RUNX2: variants seen among roughly 807,000 people sequenced by gnomAD.
RUNX2 encodes runt-related transcription factor 2.
In RUNX2, 10 loss-of-function variants were observed where a neutral mutation model predicts 51.7. The observed-to-expected ratio is 0.19, with a 90% CI of 0.12 to 0.33. The LOEUF (loss-of-function observed/expected upper bound fraction) is 0.33. Ranked by LOEUF, RUNX2 falls within the 10% of genes least tolerant of loss-of-function variation. The pLI, the probability that RUNX2 is intolerant of heterozygous loss-of-function variation, is 1.00. For synonymous variants in RUNX2, 276 were observed against 273.6 expected, an observed-to-expected ratio of 1.01 and a Z score of -0.09; for missense variants, 562 against 691.3, an observed-to-expected ratio of 0.81 and a Z score of 2.10.
At chr6:45,471,447 CT>C (rs779430509) in intron 5 of RUNX2, among the ~76,000 whole-genome samples, 344 of 139,124 alleles carry the variant, frequency 2.5e-3, no homozygotes, top group South Asian at 3.5e-3. Flanking sequence ...TTCTTTCTTT[CT>C]TTTTTTTTTT....
chr6:45,353,035 A>C (rs1253166799), intron 2 of RUNX2, among the ~76,000 whole-genome samples: 1 of 152,064 alleles, frequency 6.6e-6, no homozygotes, highest in Non-Finnish European at 1.5e-5. Flanking sequence ...AAAACTGAGA[A>C]GTTCTTCAGA....
At chr6:45,338,503 A>G (rs183638813) in intron 2 of RUNX2, among the ~76,000 whole-genome samples, 22 of 152,272 alleles carry the variant, frequency 1.4e-4, no homozygotes, top group African/African-American at 5.3e-4. Context: ...TTTGACAGCT[A>G]CAAGAGCACT....
intron 2 of RUNX2, among the ~76,000 whole-genome samples, chr6:45,401,354 A>G (rs1373803415): frequency 6.6e-6 from 1 of 152,202 alleles, no homozygotes; most frequent in African/African-American, 2.4e-5. Context: ...ATATTTATAT[A>G]CTCTTTAATC....
intron 2 of RUNX2, among the ~76,000 whole-genome samples, chr6:45,329,658 T>C (rs1429712616): frequency 3.3e-5 from 5 of 151,954 alleles, no homozygotes; most frequent in Non-Finnish European, 7.4e-5. Flanking sequence ...TCCATAAGGA[T>C]ACCCTGTATG....
At chr6:45,370,655 C>T (rs978050592) in intron 2 of RUNX2, among the ~76,000 whole-genome samples, 1 of 151,984 alleles carries the variant, frequency 6.6e-6, no homozygotes, top group African/African-American at 2.4e-5. Context: ...ATAATGGGCA[C>T]TAAAAAAAAT....
intron 2 of RUNX2, among the ~76,000 whole-genome samples, chr6:45,380,336 G>A (rs1476232692): frequency 6.6e-6 from 1 of 152,196 alleles, no homozygotes. Flanking sequence ...CCACAAAAAT[G>A]TCTCCATGAC....
intron 5 of RUNX2, among the ~76,000 whole-genome samples, chr6:45,457,339 G>A (rs779653422): frequency 6.6e-6 from 1 of 152,182 alleles, no homozygotes; most frequent in South Asian, 2.1e-4. Context: ...GCAAGTCAGG[G>A]CAGGGATGGC....
intron 2 of RUNX2, 50 bp from the exon 3 acceptor site, chr6:45,422,542 TC>T: frequency 1.1e-6 from 1 of 879,962 alleles, no homozygotes; most frequent in East Asian, 8.3e-5. Flanking sequence ...CTCCTCCCCC[TC>T]CCCCGGCCAC....
chr6:45,520,982 C>T (rs1801490466), intron 7 of RUNX2, among the ~76,000 whole-genome samples: 1 of 152,180 alleles, frequency 6.6e-6, no homozygotes, highest in Admixed American at 6.5e-5. Flanking sequence ...TCCCAAAGTG[C>T]TGGGATTACA....
chr6:45,507,287 G>A (rs757029439), intron 6 of RUNX2, among the ~76,000 whole-genome samples: 24 of 152,174 alleles, frequency 1.6e-4, no homozygotes, highest in African/African-American at 5.3e-4. Context: ...CTTGTTTGTC[G>A]TTAATTAGTA....
In RUNX2 at chr6:45,546,829, G is replaced by T; in HGVS notation, c.1090G>T (p.Ala364Ser). The T allele has an allele frequency of 6.2e-7, 1 of 1,611,826 alleles. No homozygotes were observed. Among genetic ancestry groups the T allele is most frequent in the African/African-American group, 1.3e-5 (1 of 74,726 alleles). The change falls in exon 9 of 9, where the codon GCT becomes TCT. Residue 364 changes from alanine (A) to serine (S), a missense_variant and splice_region_variant. This residue lies in a region of RUNX2 where 304 missense variants were observed against 353.2 expected (regional missense o/e 0.86). Transcript: ENST00000647337. Reference sequence around the variant, plus strand: ...CCATCTTCTGTTATAATTTTTAGGTGCTTCAGAACTGGGCCCTTTTTCAGA... The same window carrying T: ...CCATCTTCTGTTATAATTTTTAGGTTCTTCAGAACTGGGCCCTTTTTCAGA... The part of the protein sequence containing the change: ...STLSKKSQAG[A>S]SELGPFSDPR...
At chr6:45,398,472 T>C (rs893374047) in intron 2 of RUNX2, among the ~76,000 whole-genome samples, 21 of 152,192 alleles carry the variant, frequency 1.4e-4, no homozygotes, top group African/African-American at 5.1e-4. Flanking sequence ...CCAATATATA[T>C]AACATTACAA....
At position 45,434,444 on chromosome 6, in the gene RUNX2, C is replaced by CT. The variant is rs139835282; in HGVS notation, c.580+2435dup. On this transcript the variant is annotated intron_variant, in intron 4 of 8. Coordinates refer to ENST00000647337, the MANE Select transcript of RUNX2 (RefSeq NM_001024630.4). ...AACACCAAGTTCCTCAAATATTGCA[C>CT]TTTTTTTTTTCTTTCCACTGGTAGA... 1.3e-3 allele frequency among the ~76,000 whole-genome samples: 200 copies of CT among 149,822 alleles called. 1 individual carries two copies. The highest frequency in any genetic ancestry group is 0.01 in the East Asian group (53 of 5,140).
rs766770937 is a variant in RUNX2, at chr6:45,481,511, G to A, written c.686-10430G>A. ...AGTTTTACTAAGTTTTGGAAGTAAA[G>A]TGTAGACATAGAGAAAGAGTTTTTT... On this transcript the variant is annotated intron_variant, in intron 5 of 8. Transcript: ENST00000647337. Among the ~76,000 whole-genome samples the A allele has an allele frequency of 2.0e-4, 30 of 152,226 alleles. 1 individual carries two copies. The highest frequency in any genetic ancestry group is 4.4e-4 in the Non-Finnish European group (30 of 68,042).
At chr6:45,476,445 T>A (rs1050931102) in intron 5 of RUNX2, among the ~76,000 whole-genome samples, 19 of 152,312 alleles carry the variant, frequency 1.2e-4, no homozygotes, top group Admixed American at 1.1e-3. Context: ...TGATGCTGAC[T>A]CTGATGTTGG....
rs556454451 is a variant in RUNX2 at position 45,518,809 on chromosome 6, C to T, written c.1021+6402C>T. ...TGAGGATTTGCTGAAATCTCCTTTC[C>T]ATCAAAGAAAACTTGAGTGTATGAA... On this transcript the variant is annotated intron_variant, in intron 7 of 8. Transcript: ENST00000647337. 4.6e-5 allele frequency among the ~76,000 whole-genome samples: 7 copies of T among 152,230 alleles called. No homozygotes were observed. The East Asian group carries it at 1.4e-3, about 29-fold the overall frequency.
At chr6:45,433,402 C>CT (rs909203216) in intron 4 of RUNX2, among the ~76,000 whole-genome samples, 1 of 151,970 alleles carries the variant, frequency 6.6e-6, no homozygotes, top group Non-Finnish European at 1.5e-5. Context: ...TAAAGTTTTC[C>CT]TTTTTTTCTA....
intron 2 of RUNX2, among the ~76,000 whole-genome samples, chr6:45,338,344 TAA>T (rs34686255): frequency 1.3e-4 from 19 of 147,752 alleles, no homozygotes; most frequent in Middle Eastern, 3.5e-3. Context: ...GTAGCTCTCA[TAA>T]AAAAAAAAAA....
intron 2 of RUNX2, among the ~76,000 whole-genome samples, chr6:45,354,814 G>T (rs577778970): frequency 6.6e-6 from 1 of 152,032 alleles, no homozygotes; most frequent in Non-Finnish European, 1.5e-5. Context: ...AGCTTATAAA[G>T]ATAATGCTGT....
Sources: allele counts gnomAD v4.1 joint callset (sites outside exome capture counted in the v4.1 genomes callset), GRCh38; gene constraint gnomAD v4.1.1; regional missense constraint gnomAD v4.1.1; transcripts MANE v1.5; gene names NCBI Gene and HGNC (gene_info 2026-07-23, HGNC 2026-07-21).